The following SOCS4 variants were observed in gnomAD, a reference collection of about 807,000 sequenced individuals.
The protein encoded by SOCS4 is SH2 domain containing SOCS box protein.
In SOCS4, 20 loss-of-function variants were observed where a neutral mutation model predicts 34.1. That is an observed-to-expected ratio of 0.59 (90% CI 0.41 to 0.85). SOCS4 has a LOEUF of 0.85. Ranked by LOEUF, SOCS4 falls within the 40% of genes least tolerant of loss-of-function variation. The probability of loss-of-function intolerance (pLI) is 0.00; values close to 1 mark genes in which losing one functional copy is unlikely to be tolerated. For missense variants in SOCS4, 479 were observed against 532.4 expected, an observed-to-expected ratio of 0.90 and a Z score of 0.99; for synonymous variants, 180 against 186.4, an observed-to-expected ratio of 0.97 and a Z score of 0.28.
At position 55,044,742 on chromosome 14, in the gene SOCS4, T is replaced by C. The variant is rs2042658790; in HGVS notation, c.*378T>C. 1 of 167,826 alleles carries C rather than the reference T, an allele frequency of 6.0e-6. No homozygotes were observed. The highest frequency in any genetic ancestry group is 2.4e-5 in the African/African-American group (1 of 41,462). 10.4% of individuals were successfully genotyped at this position (167,826 alleles called of 1,614,324 possible). A position where few individuals can be genotyped will look rare whatever the true frequency, so the allele number is the denominator to read the frequency against. On this transcript the variant is annotated 3_prime_UTR_variant, in exon 3 of 3. Coordinates refer to ENST00000555846, the MANE Select transcript of SOCS4 (RefSeq NM_199421.2). ...TGTATTTCATACTATTCTTTAAAAG[T>C]AATCTTATGTCCTTTCCTACATGTA... is the stretch of plus-strand genomic sequence containing the variant.
At position 55,042,988 on chromosome 14, in the gene SOCS4, G is replaced by A; in HGVS notation, c.-54G>A. ...AAGTGCCCAGAAGAAACTTCCTGCT[G>A]GAAAAAATGAAAAAGCAGTATTTAT... On this transcript the variant is annotated 5_prime_UTR_variant, in exon 3 of 3. The change creates a premature stop within an existing upstream ORF in the 5' untranslated region. Transcript: ENST00000555846. 1 of 1,504,780 alleles carries A rather than the reference G, an allele frequency of 6.6e-7. No homozygotes were observed. Among genetic ancestry groups the A allele is most frequent in the South Asian group, 1.3e-5 (1 of 75,710 alleles). The allele number at this position is 1,504,780 out of a possible 1,614,324, so 93.2% of individuals were successfully genotyped here.
chr14:55,038,105 A>G (rs1030348147), intron 2 of SOCS4, among the ~76,000 whole-genome samples: 1 of 152,184 alleles, frequency 6.6e-6, no homozygotes, highest in Non-Finnish European at 1.5e-5. Context: ...CACATCTTAC[A>G]TGGTGGCAAG....
At chr14:55,040,342 C>A (rs2140247143) in intron 2 of SOCS4, among the ~76,000 whole-genome samples, 1 of 152,330 alleles carries the variant, frequency 6.6e-6, no homozygotes, top group East Asian at 1.9e-4. Context: ...ATGTTCAAAT[C>A]CCTTAAAATA....
At chr14:55,028,520 C>A (rs2042492831) in intron 1 of SOCS4, among the ~76,000 whole-genome samples, 1 of 151,678 alleles carries the variant, frequency 6.6e-6, no homozygotes, top group Non-Finnish European at 1.5e-5. Context: ...TCAAGATGAA[C>A]TCTCATAATA....
At chr14:55,035,531 CAG>C (rs1473752169) in intron 2 of SOCS4, among the ~76,000 whole-genome samples, 2 of 152,162 alleles carry the variant, frequency 1.3e-5, no homozygotes, top group Non-Finnish European at 2.9e-5. Flanking sequence ...GCACTAGAGA[CAG>C]AGGTATTCTG....
At chr14:55,036,231 CTT>C (rs1388902536) in intron 2 of SOCS4, among the ~76,000 whole-genome samples, 5 of 152,186 alleles carry the variant, frequency 3.3e-5, no homozygotes, top group Non-Finnish European at 5.9e-5. Context: ...CTCAGAAAGA[CTT>C]AGTATCTCCT....
In SOCS4 at chr14:55,047,059, T is replaced by A. The variant is rs1046669343; in HGVS notation, c.*2695T>A. The A allele has an allele frequency of 1.2e-5, 2 of 167,052 alleles. No individual in the cohort carries two copies. The highest frequency in any genetic ancestry group is 4.8e-5 in the African/African-American group (2 of 41,454). The allele number at this position is 167,052 out of a possible 1,614,324, so 10.3% of individuals were successfully genotyped here. On this transcript the variant is annotated 3_prime_UTR_variant, in exon 3 of 3. Transcript: ENST00000555846. ...TATAACTGTTGAACAAAGGGAAGAT[T>A]TGAACAGTGTAAATTCCAGAGTTGA...
intron 2 of SOCS4, among the ~76,000 whole-genome samples, chr14:55,042,143 CATT>C (rs1248930489): frequency 1.3e-5 from 2 of 152,128 alleles, no homozygotes; most frequent in Non-Finnish European, 2.9e-5. Context: ...TACAAACAAT[CATT>C]ATCATTAGTC....
chr14:55,040,666 C>T (rs1381487323), intron 2 of SOCS4, among the ~76,000 whole-genome samples: 1 of 152,016 alleles, frequency 6.6e-6, no homozygotes, highest in Non-Finnish European at 1.5e-5. Flanking sequence ...ATGGCATGTA[C>T]CCGGGAGGCA....
rs376364965 is a variant in SOCS4, at chr14:55,040,752, AAG to A, written c.-90-2195_-90-2194del. ...GAGCGAGACTCCATCTCAAAAAAAA[AAG>A]AGAGTTATTATACTGTATTGCTTTT... is the stretch of plus-strand genomic sequence containing the variant. On this transcript the variant is annotated intron_variant, in intron 2 of 2. Coordinates refer to ENST00000555846, the MANE Select transcript of SOCS4 (RefSeq NM_199421.2). Among the ~76,000 whole-genome samples, 219 of 152,230 alleles carry A rather than the reference AAG, an allele frequency of 1.4e-3. 7 individuals are homozygous for A. The South Asian group carries it at 0.042, about 29-fold the overall frequency.
intron 2 of SOCS4, among the ~76,000 whole-genome samples, chr14:55,035,048 A>C (rs572588389): frequency 6.6e-5 from 10 of 152,088 alleles, no homozygotes; most frequent in Admixed American, 4.6e-4. Context: ...TTTAGTAGAG[A>C]GGAGATTTTG....
Position 55,046,409 on chromosome 14 carries a change from CTT to C in SOCS4, c.*2049_*2050del, listed in dbSNP as rs1196243824. On this transcript the variant is annotated 3_prime_UTR_variant, in exon 3 of 3. Transcript: ENST00000555846. ...TTAAATATTTTTCTTTTAAAAATAA[CTT>C]TTTATCAGTACAGAAAAACCTAAGG... 1.8e-5 allele frequency: 3 copies of C among 166,726 alleles called. No individual in the cohort carries two copies. The highest frequency in any genetic ancestry group is 2.4e-5 in the African/African-American group (1 of 41,394). The allele number at this position is 166,726 out of a possible 1,614,324, so 10.3% of individuals were successfully genotyped here. A position where few individuals can be genotyped will look rare whatever the true frequency, so the allele number is the denominator to read the frequency against.
In SOCS4 at chr14:55,045,243, A is replaced by G. The variant is rs1488070472; in HGVS notation, c.*879A>G. The G allele has an allele frequency of 6.0e-6, 1 of 167,018 alleles. No individual in the cohort carries two copies. Among genetic ancestry groups the G allele is most frequent in the Non-Finnish European group, 1.5e-5 (1 of 68,062 alleles). The allele number at this position is 167,018 out of a possible 1,614,324, so 10.3% of individuals were successfully genotyped here. On this transcript the variant is annotated 3_prime_UTR_variant, in exon 3 of 3. Coordinates refer to ENST00000555846, the MANE Select transcript of SOCS4 (RefSeq NM_199421.2). ...TAAAGTAATTGTGGGGTTTTTCTGT[A>G]TTAGCTTATGAACTGTTGCTTCTAC...
At position 55,043,867 on chromosome 14, in the gene SOCS4, C is replaced by T; in HGVS notation, c.826C>T (p.Pro276Ser). The change falls in exon 3 of 3, where the codon CCA (proline) becomes TCA (serine). Residue 276 changes from proline to serine, a missense_variant. By Grantham distance (74) the Pro-to-Ser change is moderately conservative. Transcript: ENST00000555846. ...GATTGATTATGTCCACTGTCTTGTACCAGACCTCCTTCAGATCAATAACAA... is the reference window on the plus strand; with the variant it reads ...GATTGATTATGTCCACTGTCTTGTATCAGACCTCCTTCAGATCAATAACAA... Reference protein sequence around the residue: ...TQIDYVHCLVPDLLQINNNPC... With the variant: ...TQIDYVHCLVSDLLQINNNPC... The T allele has an allele frequency of 4.3e-6, 7 of 1,614,154 alleles. No homozygotes were observed. The highest frequency in any genetic ancestry group is 5.9e-6 in the Non-Finnish European group (7 of 1,180,030).
chr14:55,040,829 A>T (rs1324118286), intron 2 of SOCS4, among the ~76,000 whole-genome samples: 1 of 152,044 alleles, frequency 6.6e-6, no homozygotes, highest in Non-Finnish European at 1.5e-5. Context: ...CAATTGGTTG[A>T]ATCTGAGGAT....
Position 55,046,944 on chromosome 14 carries a change from A to G in SOCS4, c.*2580A>G, listed in dbSNP as rs973459563. On this transcript the variant is annotated 3_prime_UTR_variant, in exon 3 of 3. Transcript: ENST00000555846. Reference sequence around the variant, plus strand: ...ATACAGTATTCAGAAACTAACCTATATAAAATGTAAACAATATATTGATTG... The same window carrying G: ...ATACAGTATTCAGAAACTAACCTATGTAAAATGTAAACAATATATTGATTG... The G allele has an allele frequency of 6.0e-6, 1 of 167,096 alleles. No individual in the cohort carries two copies. Among genetic ancestry groups the G allele is most frequent in the Admixed American group, 6.5e-5 (1 of 15,286 alleles). 10.4% of individuals were successfully genotyped at this position (167,096 alleles called of 1,614,324 possible). A position where few individuals can be genotyped will look rare whatever the true frequency, so the allele number is the denominator to read the frequency against.
Position 55,043,155 on chromosome 14 carries a change from T to G in SOCS4, c.114T>G (p.Ser38=). ...DGYVWSGKKL[S]WSKKSESYSD... is the part of the protein sequence containing the mutation. ...ATGTGTGGAGTGGAAAGAAGTTATC[T>G]TGGTCAAAAAAGAGTGAGAGTTATT... is the stretch of plus-strand genomic sequence containing the variant. The change falls in exon 3 of 3, where the codon TCT becomes TCG. Residue 38 remains serine, a synonymous_variant. Transcript: ENST00000555846. 6.2e-7 allele frequency: 1 copy of G among 1,614,218 alleles called. No homozygotes were observed. Among genetic ancestry groups the G allele is most frequent in the South Asian group, 1.1e-5 (1 of 91,088 alleles).
chr14:55,043,253 G>C lies in SOCS4; in HGVS notation c.212G>C (p.Cys71Ser). The C allele has an allele frequency of 6.2e-7, 1 of 1,614,230 alleles. No individual in the cohort carries two copies. The highest frequency in any genetic ancestry group is 8.5e-7 in the Non-Finnish European group (1 of 1,180,038). Residue 71 changes from cysteine (C) to serine (S), a missense_variant, in exon 3 of 3, where the codon TGT becomes TCT. By Grantham distance (112) the Cys-to-Ser change is moderately radical. Coordinates refer to ENST00000555846, the MANE Select transcript of SOCS4 (RefSeq NM_199421.2). ...AGGAACCAAGAAAGGAAGCACAGCT[G>C]TTCATCCATTGAGTTGGACTTAGAT... ...SLRNQERKHS[C>S]SSIELDLDHS...
Position 55,044,021 on chromosome 14 carries a change from A to G in SOCS4, c.980A>G (p.Tyr327Cys), listed in dbSNP as rs767693245. 1 of 1,614,150 alleles carries G rather than the reference A, an allele frequency of 6.2e-7. No homozygotes were observed. The highest frequency in any genetic ancestry group is 1.7e-5 in the Admixed American group (1 of 60,010). ...DYLFSVSFRRYSRSLHARIEQ... is the reference protein window; with the variant it reads ...DYLFSVSFRRCSRSLHARIEQ... ...TTATTCTCTGTTAGTTTTAGACGCT[A>G]TAGTCGTTCTCTTCATGCTAGAATT... The change falls in exon 3 of 3, where the codon TAT becomes TGT. Residue 327 changes from tyrosine (Y) to cysteine (C), a missense_variant. Tyr to Cys is a radical substitution (Grantham distance 194). Transcript: ENST00000555846.
Sources: gnomAD v4.1 joint callset for allele counts (sites outside exome capture counted in the v4.1 genomes callset) on GRCh38, gnomAD v4.1.1 for gene constraint, MANE v1.5 for transcripts, NCBI Gene and HGNC (gene_info 2026-07-23, HGNC 2026-07-21) for gene names.